Variants in DRD3 observed in about 807,000 individuals in gnomAD.
The protein encoded by DRD3 is dopamine receptor D3.
A neutral mutation model predicts 36.3 loss-of-function variants in DRD3; 19 were observed. The observed-to-expected ratio is 0.52, with a 90% CI of 0.36 to 0.77. The LOEUF is 0.77. Ranked by LOEUF, DRD3 falls within the 30% of genes least tolerant of loss-of-function variation. DRD3 has a pLI of 0.00. For synonymous variants in DRD3, 195 were observed against 203.7 expected, an observed-to-expected ratio of 0.96 and a Z score of 0.36; for missense variants, 465 against 505.3, an observed-to-expected ratio of 0.92 and a Z score of 0.77.
At position 114,139,492 on chromosome 3, in the gene DRD3, GTACT is replaced by G. The variant is rs780878472; in HGVS notation, c.723+4_723+7del. 4 of 1,611,594 alleles carry G rather than the reference GTACT, an allele frequency of 2.5e-6. No individual in the cohort carries two copies. Among genetic ancestry groups the G allele is most frequent in the Non-Finnish European group, 3.4e-6 (4 of 1,178,850 alleles). On this transcript the variant is annotated splice_donor_5th_base_variant and intron_variant, in intron 5 of 6. Coordinates refer to ENST00000383673, the MANE Select transcript of DRD3 (RefSeq NM_000796.6). ...TTGTCTTCCCTCTACCCCCTCCAGG[GTACT>G]TACTTGCTGGGGGAAGCCAGGCCTG...
chr3:114,185,203 T>C (rs1019392381), intron 1 of DRD3, among the ~76,000 whole-genome samples: 33 of 152,332 alleles, frequency 2.2e-4, no homozygotes, highest in South Asian at 2.1e-4. Context: ...TTACCCTTTA[T>C]CTAGCCCTTC....
At chr3:114,149,299 A>G (rs185971352) in intron 3 of DRD3, among the ~76,000 whole-genome samples, 3 of 152,358 alleles carry the variant, frequency 2.0e-5, no homozygotes, top group South Asian at 4.1e-4. Context: ...GGAGCCAGCC[A>G]TGAGGTCAGA....
At chr3:114,130,591 A>G (rs1191637938) in intron 6 of DRD3, among the ~76,000 whole-genome samples, 2 of 151,692 alleles carry the variant, frequency 1.3e-5, no homozygotes, top group African/African-American at 4.8e-5. Flanking sequence ...CGCCTGGCTA[A>G]TTTTTTGCAT....
At chr3:114,169,177 T>A (rs113029186) in intron 2 of DRD3, among the ~76,000 whole-genome samples, 12,827 of 151,814 alleles carry the variant, frequency 0.084, 647 homozygotes, top group South Asian at 0.13. Flanking sequence ...GCCCATATTT[T>A]AAGGGCTCAA....
At chr3:114,159,053 GA>G (rs2077707851) in intron 3 of DRD3, among the ~76,000 whole-genome samples, 1 of 152,110 alleles carries the variant, frequency 6.6e-6, no homozygotes, top group South Asian at 2.1e-4. Context: ...GGGGAAGGGA[GA>G]AACAGAGGGA....
intron 1 of DRD3, among the ~76,000 whole-genome samples, chr3:114,185,548 T>C (rs2077970583): frequency 6.6e-6 from 1 of 152,218 alleles, no homozygotes; most frequent in African/African-American, 2.4e-5. Context: ...CTTTGAGACT[T>C]TAAGTTAGGT....
At chr3:114,152,259 T>C (rs1223418369) in intron 3 of DRD3, among the ~76,000 whole-genome samples, 1 of 152,126 alleles carries the variant, frequency 6.6e-6, no homozygotes, top group Non-Finnish European at 1.5e-5. Context: ...TCCCCCTCCT[T>C]GGGGATTCTT....
chr3:114,140,092 T>A (rs779242598), intron 4 of DRD3, among the ~76,000 whole-genome samples: 14 of 152,092 alleles, frequency 9.2e-5, no homozygotes, highest in Non-Finnish European at 1.8e-4. Context: ...GGGCAGAGGC[T>A]CCCAGGAGGG....
chr3:114,149,257 C>A (rs925909293), intron 3 of DRD3, among the ~76,000 whole-genome samples: 4 of 152,186 alleles, frequency 2.6e-5, no homozygotes, highest in Non-Finnish European at 4.4e-5. Context: ...AAAACTAACA[C>A]AGAGTGAGCA....
chr3:114,138,997 C>T (rs2077499474), intron 5 of DRD3, among the ~76,000 whole-genome samples: 1 of 152,148 alleles, frequency 6.6e-6, no homozygotes, highest in African/African-American at 2.4e-5. Flanking sequence ...CTTTTCAGAG[C>T]CTAGAAAGAT....
chr3:114,137,794 A>T (rs1424598841), intron 5 of DRD3, among the ~76,000 whole-genome samples: 1 of 151,180 alleles, frequency 6.6e-6, no homozygotes, highest in South Asian at 2.1e-4. Context: ...GATCGAGACC[A>T]TCCTGGCTAA....
upstream of DRD3, among the ~76,000 whole-genome samples, chr3:114,179,970 A>G (rs1045992728): frequency 6.6e-6 from 1 of 152,144 alleles, no homozygotes; most frequent in South Asian, 2.1e-4. Flanking sequence ...ATTTTTTACC[A>G]TCCTTAATTT....
intron 3 of DRD3, among the ~76,000 whole-genome samples, chr3:114,157,344 G>A (rs532786015): frequency 5.3e-4 from 80 of 152,150 alleles, no homozygotes; most frequent in Non-Finnish European, 5.7e-4. Flanking sequence ...GTAAGCCACC[G>A]TGCCTGGCCT....
intron 1 of DRD3, among the ~76,000 whole-genome samples, chr3:114,186,022 A>G (rs2077973400): frequency 6.6e-6 from 1 of 152,144 alleles, no homozygotes; most frequent in Admixed American, 6.5e-5. Flanking sequence ...ACTTTAAAAA[A>G]ATGTTAAGTG....
rs75009740 is a variant in DRD3 at position 114,166,507 on chromosome 3, C to T, written c.270+5216G>A. On this transcript the variant is annotated intron_variant, in intron 2 of 6. Transcript: ENST00000383673. ...AAGGACAAGTTCATTCCCCTTTTGC[C>T]TCTCTTCTGCCCTCCCACCTTCCAC... 9.3e-3 allele frequency among the ~76,000 whole-genome samples: 1,422 copies of T among 152,248 alleles called. 9 individuals carry two copies. Among genetic ancestry groups the T allele is most frequent in the Non-Finnish European group, 0.015 (1,004 of 68,016 alleles).
intron 1 of DRD3, among the ~76,000 whole-genome samples, chr3:114,174,362 C>G (rs988277701): frequency 6.6e-6 from 1 of 152,190 alleles, no homozygotes; most frequent in Admixed American, 6.5e-5. Context: ...TCTTAGCCTC[C>G]TCTCACCTGC....
intron 1 of DRD3, among the ~76,000 whole-genome samples, chr3:114,196,055 A>G (rs1021401012): frequency 1.3e-5 from 2 of 152,214 alleles, no homozygotes; most frequent in African/African-American, 4.8e-5. Context: ...GTGCAACAAG[A>G]GCACATTTTG....
chr3:114,168,136 TA>T (rs1414411389), intron 2 of DRD3, among the ~76,000 whole-genome samples: 16 of 152,220 alleles, frequency 1.1e-4, no homozygotes, highest in African/African-American at 2.7e-4. Context: ...AACTTATAAT[TA>T]AAAGTGTCTT....
intron 3 of DRD3, among the ~76,000 whole-genome samples, chr3:114,156,860 CCTTT>C (rs202042188): frequency 0.81 from 109,308 of 135,576 alleles, 45,000 homozygotes; most frequent in Non-Finnish European, 0.89. Flanking sequence ...TTTCTTTCTT[CCTTT>C]CTTTCTTTTT....
Sources: allele counts gnomAD v4.1 joint callset (sites outside exome capture counted in the v4.1 genomes callset), GRCh38; gene constraint gnomAD v4.1.1; transcripts MANE v1.5; gene names NCBI Gene and HGNC (gene_info 2026-07-23, HGNC 2026-07-21).